RAB7A: variants seen among roughly 807,000 people sequenced by gnomAD.
RAB7A encodes the protein ras-related protein Rab-7a.
RAB7A carries 2 observed loss-of-function variants against 24.5 expected under a neutral mutation model. The observed-to-expected ratio is 0.08, with a 90% CI of 0.03 to 0.26. RAB7A has a LOEUF of 0.26. Among genes scored for constraint, RAB7A ranks in the 10% least tolerant of loss-of-function variants. The pLI, the probability that RAB7A is intolerant of heterozygous loss-of-function variation, is 1.00. For synonymous variants in RAB7A, 100 were observed against 95.9 expected (o/e 1.04, Z -0.25); for missense variants, 118 against 255.7 (o/e 0.46, Z 3.67).
At chr3:128,748,839 T>C (rs1295348001) in intron 1 of RAB7A, 1 of 152,216 alleles carries the variant, frequency 6.6e-6, no homozygotes, top group Non-Finnish European at 1.5e-5. Context: ...CCGTAACATA[T>C]CTCGTCTTGC....
At chr3:128,810,271 T>C (rs1933897588) in intron 5 of RAB7A, among the ~76,000 whole-genome samples, 1 of 152,094 alleles carries the variant, frequency 6.6e-6, no homozygotes, top group South Asian at 2.1e-4. Flanking sequence ...TTAATAATTT[T>C]GTTTCCACCA....
intron 2 of RAB7A, 104 bp downstream of exon 2, chr3:128,795,524 G>T: frequency 9.7e-7 from 1 of 1,036,026 alleles, no homozygotes; most frequent in South Asian, 1.3e-5. Flanking sequence ...TCATAGTGAG[G>T]CTTAGGGCCT....
intron 1 of RAB7A, among the ~76,000 whole-genome samples, chr3:128,776,910 G>T (rs1415752548): frequency 7.0e-6 from 1 of 142,692 alleles, no homozygotes; most frequent in African/African-American, 2.6e-5. Flanking sequence ...TCTCAGTGTG[G>T]CTTTAGTTTG....
chr3:128,807,007 C>T (rs1286515120), intron 4 of RAB7A, among the ~76,000 whole-genome samples: 1 of 152,224 alleles, frequency 6.6e-6, no homozygotes, highest in Admixed American at 6.5e-5. Context: ...AACATAGACT[C>T]TTTGATTAAT....
intron 3 of RAB7A, among the ~76,000 whole-genome samples, chr3:128,805,057 C>T (rs1466083038): frequency 6.6e-6 from 1 of 152,158 alleles, no homozygotes; most frequent in Non-Finnish European, 1.5e-5. Flanking sequence ...AGAAAACCTC[C>T]GCGCATATGA....
chr3:128,742,911 C>T (rs990198716), intron 1 of RAB7A, among the ~76,000 whole-genome samples: 23 of 152,196 alleles, frequency 1.5e-4, no homozygotes, highest in African/African-American at 5.5e-4. Context: ...CCCAGCAGTC[C>T]CATGCTGCGC....
chr3:128,813,688 G>A lies in RAB7A; in HGVS notation c.*266G>A, dbSNP rs1933979211. The A allele has an allele frequency of 2.0e-6, 1 of 511,362 alleles. No individual in the cohort carries two copies. The highest frequency in any genetic ancestry group is 3.6e-6 in the Non-Finnish European group (1 of 275,986). 31.7% of individuals were successfully genotyped at this position (511,362 alleles called of 1,614,324 possible). ...TTGGGGTCTGCCTGCCCACCCACAT[G>A]AGCCCGCGAGTATGGCAGCAGGACA... On this transcript the variant is annotated 3_prime_UTR_variant, in exon 6 of 6. Coordinates refer to ENST00000265062, the MANE Select transcript of RAB7A (RefSeq NM_004637.6).
intron 1 of RAB7A, among the ~76,000 whole-genome samples, chr3:128,732,426 T>C (rs752015245): frequency 2.0e-5 from 3 of 151,854 alleles, no homozygotes; most frequent in Non-Finnish European, 4.4e-5. Flanking sequence ...TTCAGAAATA[T>C]AAAGAAGGAA....
In RAB7A at chr3:128,772,034, TA is replaced by T. The variant is rs535871351; in HGVS notation, c.-8-23322del. Among the ~76,000 whole-genome samples, 26 of 152,324 alleles carry T rather than the reference TA, an allele frequency of 1.7e-4. No individual in the cohort carries two copies. The East Asian group carries it at 3.9e-3, about 23-fold the overall frequency. On this transcript the variant is annotated intron_variant, in intron 1 of 5. Coordinates refer to ENST00000265062, the MANE Select transcript of RAB7A (RefSeq NM_004637.6). ...GTAAGATCATAACTCATTTTAAATATAAAATGAACACATGTTAAAAATTTTA... is the reference window on the plus strand; with the variant it reads ...GTAAGATCATAACTCATTTTAAATATAAATGAACACATGTTAAAAATTTTA...
chr3:128,793,084 C>T (rs1933493275), intron 1 of RAB7A, among the ~76,000 whole-genome samples: 1 of 151,886 alleles, frequency 6.6e-6, no homozygotes, highest in East Asian at 1.9e-4. Context: ...AGTGCAGTGG[C>T]GCAATCTCGG....
In RAB7A at chr3:128,809,936, C is replaced by CTTTTTTTTTTTTTTTTT. The variant is rs869119619; in HGVS notation, c.528+2279_528+2295dup. Among the ~76,000 whole-genome samples, 182 of 52,260 alleles carry CTTTTTTTTTTTTTTTTT rather than the reference C, an allele frequency of 3.5e-3. 52 individuals are homozygous for CTTTTTTTTTTTTTTTTT. The highest frequency in any genetic ancestry group is 4.4e-3 in the Non-Finnish European group (131 of 29,580). The allele number at this position is 52,260 out of a possible 152,430, so 34.3% of individuals were successfully genotyped here. A position where few individuals can be genotyped will look rare whatever the true frequency, so the allele number is the denominator to read the frequency against. ...GAGGCAAGTTTCCTCTTGCCACAGT[C>CTTTTTTTTTTTTTTTTT]TTTTTTTTTTTTTTTTTTTTTTTTT... On this transcript the variant is annotated intron_variant, in intron 5 of 5. Transcript: ENST00000265062.
chr3:128,775,789 GTA>G (rs1165301840), intron 1 of RAB7A, among the ~76,000 whole-genome samples: 1 of 151,984 alleles, frequency 6.6e-6, no homozygotes, highest in Non-Finnish European at 1.5e-5. Flanking sequence ...AATAAAAATG[GTA>G]TATGTTTGTG....
chr3:128,746,593 A>G (rs537588219), intron 1 of RAB7A, among the ~76,000 whole-genome samples: 16 of 151,902 alleles, frequency 1.1e-4, no homozygotes, highest in Admixed American at 3.3e-4. Flanking sequence ...CAGTGGCGCA[A>G]TCTTGGCTCA....
At chr3:128,810,972 T>C (rs1933912098) in intron 5 of RAB7A, among the ~76,000 whole-genome samples, 1 of 151,950 alleles carries the variant, frequency 6.6e-6, no homozygotes, top group Non-Finnish European at 1.5e-5. Context: ...GAGAATTGCT[T>C]GAACCTGGGA....
At chr3:128,760,147 G>A (rs934962665) in intron 1 of RAB7A, among the ~76,000 whole-genome samples, 3 of 152,164 alleles carry the variant, frequency 2.0e-5, no homozygotes, top group East Asian at 1.9e-4. Context: ...CCTCCCCAGC[G>A]TGGGTGAGCT....
intron 1 of RAB7A, among the ~76,000 whole-genome samples, chr3:128,743,382 G>T (rs1208198623): frequency 2.0e-5 from 3 of 152,256 alleles, no homozygotes; most frequent in Non-Finnish European, 2.9e-5. Flanking sequence ...CAGTACAGCA[G>T]CAGGCTGAAG....
chr3:128,799,422 C>T (rs1198392212), intron 3 of RAB7A, among the ~76,000 whole-genome samples: 1 of 152,148 alleles, frequency 6.6e-6, no homozygotes, highest in African/African-American at 2.4e-5. Context: ...TTCCTATGTG[C>T]TTCTAGAGGC....
intron 1 of RAB7A, among the ~76,000 whole-genome samples, chr3:128,743,296 A>G (rs918025696): frequency 6.6e-6 from 1 of 152,098 alleles, no homozygotes; most frequent in African/African-American, 2.4e-5. Context: ...TTTCCCGCCC[A>G]TGCCTCTCCC....
intron 1 of RAB7A, among the ~76,000 whole-genome samples, chr3:128,734,381 G>A (rs565331752): frequency 2.6e-3 from 381 of 148,714 alleles, no homozygotes; most frequent in African/African-American, 9.0e-3. Flanking sequence ...CATGAGAATC[G>A]CTTGAACCTG....
Sources: gnomAD v4.1 joint callset for allele counts (sites outside exome capture counted in the v4.1 genomes callset) on GRCh38, gnomAD v4.1.1 for gene constraint, MANE v1.5 for transcripts, NCBI Gene and HGNC (gene_info 2026-07-23, HGNC 2026-07-21) for gene names.